Variants in HIVEP1 observed in about 807,000 individuals in gnomAD.
HIVEP1 encodes zinc finger protein 40.
In HIVEP1, 36 loss-of-function variants were observed where a neutral mutation model predicts 180.0. That is an observed-to-expected ratio of 0.20 (90% CI 0.15 to 0.26). The LOEUF (loss-of-function observed/expected upper bound fraction) is 0.26. Ranked by LOEUF, HIVEP1 falls within the 10% of genes least tolerant of loss-of-function variation. The probability of loss-of-function intolerance (pLI) is 1.00; values close to 1 mark genes in which losing one functional copy is unlikely to be tolerated. For synonymous variants in HIVEP1, 1,239 were observed against 1,239.0 expected (o/e 1.00, Z 0.00); for missense variants, 3,143 against 3,268.7 (o/e 0.96, Z 0.94).
intron 7 of HIVEP1, among the ~76,000 whole-genome samples, chr6:12,146,710 T>C (rs972433240): frequency 6.6e-6 from 1 of 152,222 alleles, no homozygotes; most frequent in African/African-American, 2.4e-5. Context: ...CATTCCAGGT[T>C]GATAAAGATC....
At chr6:12,025,953 T>C (rs1273695366) in intron 2 of HIVEP1, among the ~76,000 whole-genome samples, 1 of 151,778 alleles carries the variant, frequency 6.6e-6, no homozygotes, top group Non-Finnish European at 1.5e-5. Context: ...GGCAGGAGAA[T>C]CGCTTGAGCC....
At chr6:12,070,274 T>C (rs1342413154) in intron 2 of HIVEP1, among the ~76,000 whole-genome samples, 1 of 152,268 alleles carries the variant, frequency 6.6e-6, no homozygotes. Context: ...TGTACATAAT[T>C]GCATGTTCTG....
intron 3 of HIVEP1, among the ~76,000 whole-genome samples, chr6:12,091,551 C>T (rs555998707): frequency 6.6e-5 from 10 of 152,034 alleles, no homozygotes; most frequent in Non-Finnish European, 1.5e-4. Flanking sequence ...TTAAAAAAGA[C>T]ATTTCCTCTT....
intron 2 of HIVEP1, among the ~76,000 whole-genome samples, chr6:12,065,474 C>G (rs1353846779): frequency 6.6e-6 from 1 of 152,142 alleles, no homozygotes; most frequent in Non-Finnish European, 1.5e-5. Context: ...AGGCAGGACG[C>G]CCTTTTGATA....
At chr6:12,050,259 G>C (rs1770409751) in intron 2 of HIVEP1, among the ~76,000 whole-genome samples, 2 of 152,176 alleles carry the variant, frequency 1.3e-5, no homozygotes, top group Non-Finnish European at 2.9e-5. Context: ...AATAACGAGA[G>C]TTCATGCCTG....
chr6:12,139,581 G>T (rs1184872405), intron 7 of HIVEP1, among the ~76,000 whole-genome samples: 1 of 152,236 alleles, frequency 6.6e-6, no homozygotes, highest in African/African-American at 2.4e-5. Flanking sequence ...CCCTTTCCTA[G>T]CCAAGGGACG....
chr6:12,067,775 C>T (rs376122247), intron 2 of HIVEP1, among the ~76,000 whole-genome samples: 1 of 151,870 alleles, frequency 6.6e-6, no homozygotes, highest in Non-Finnish European at 1.5e-5. Context: ...AACAACTGCT[C>T]TGGTAGGGAA....
chr6:12,125,553 C>T lies in HIVEP1; in HGVS notation c.5758C>T (p.Leu1920Phe), dbSNP rs779227145. 6.8e-6 allele frequency: 11 copies of T among 1,614,052 alleles called. No homozygotes were observed. In the African/African-American group the frequency reaches 8.0e-5, roughly 12 times the overall value. ...QEQSQQPVTS[L>F]SLFNIKDTQQ... ...GCAAAGTCAACAGCCAGTCACTTCTCTTTCATTGTTTAACATCAAGGACAC... is the reference window on the plus strand; with the variant it reads ...GCAAAGTCAACAGCCAGTCACTTCTTTTTCATTGTTTAACATCAAGGACAC... Residue 1920 changes from leucine (L) to phenylalanine (F), a missense_variant, in exon 4 of 9, where the codon CTT becomes TTT. By Grantham distance (22) the Leu-to-Phe change is conservative. Around this residue, in one of 12 missense-constraint regions of HIVEP1, gnomAD observed 1,357 missense variants for 1,260.5 expected, o/e 1.08. Coordinates refer to ENST00000379388, the MANE Select transcript of HIVEP1 (RefSeq NM_002114.4).
rs1393000019 is a variant in HIVEP1 at position 12,119,984 on chromosome 6, A to G, written c.189A>G (p.Pro63=). The change falls in exon 4 of 9, where the codon CCA becomes CCG. Residue 63 remains proline, a synonymous_variant. Transcript: ENST00000379388. ...CTGAGAATCACCTGAAAAAAATACC[A>G]AAATCCCCACTGAGAAATCCTCTTC... ...IVAENHLKKI[P]KSPLRNPLQA... is the part of the protein sequence containing the mutation. 3.1e-6 allele frequency: 5 copies of G among 1,612,092 alleles called. No homozygotes were observed. Among genetic ancestry groups the G allele is most frequent in the Non-Finnish European group, 4.2e-6 (5 of 1,179,568 alleles).
At chr6:12,173,799 A>G in the HIVEP1 span, among the ~76,000 whole-genome samples, 8 of 152,210 alleles carry the variant, frequency 5.3e-5, no homozygotes, top group Non-Finnish European at 8.8e-5. Context: ...AATGTTGCCA[A>G]ATGAGATCTA....
rs1312246983 is a variant in HIVEP1 at position 12,122,422 on chromosome 6, A to G, written c.2627A>G (p.Asp876Gly). 6.2e-7 allele frequency: 1 copy of G among 1,614,096 alleles called. No individual in the cohort carries two copies. The highest frequency in any genetic ancestry group is 8.5e-7 in the Non-Finnish European group (1 of 1,180,048). Residue 876 changes from aspartate (D) to glycine (G), a missense_variant, in exon 4 of 9, where the codon GAT becomes GGT. Physicochemically the swap from Asp to Gly is moderately conservative, Grantham distance 94. This residue lies in a region of HIVEP1 where 204 missense variants were observed against 243.7 expected (regional missense o/e 0.84). Transcript: ENST00000379388. Reference sequence around the variant, plus strand: ...GATGACAAAATTGGCGCTTTCTATGATGATGTCTTTGTATCGGGACCTAAC... The same window carrying G: ...GATGACAAAATTGGCGCTTTCTATGGTGATGTCTTTGTATCGGGACCTAAC... ...SFDDKIGAFY[D>G]DVFVSGPNAP... is the part of the protein sequence containing the mutation.
chr6:12,159,047 C>T (rs981929494), intron 7 of HIVEP1, among the ~76,000 whole-genome samples: 2 of 152,120 alleles, frequency 1.3e-5, no homozygotes, highest in Non-Finnish European at 2.9e-5. Flanking sequence ...GATACTTGAG[C>T]GGGACTCCCC....
intron 7 of HIVEP1, among the ~76,000 whole-genome samples, chr6:12,136,401 C>T (rs1302875997): frequency 1.3e-5 from 2 of 152,216 alleles, no homozygotes; most frequent in Non-Finnish European, 2.9e-5. Context: ...CAAGATCCAG[C>T]CAAGTCCACT....
chr6:12,151,783 TA>T (rs1759718787), intron 7 of HIVEP1, among the ~76,000 whole-genome samples: 1 of 152,168 alleles, frequency 6.6e-6, no homozygotes, highest in South Asian at 2.1e-4. Flanking sequence ...AGACAGTATA[TA>T]AAGAAATGAG....
chr6:12,175,679 G>A, the HIVEP1 span, among the ~76,000 whole-genome samples: 3 of 152,170 alleles, frequency 2.0e-5, no homozygotes, highest in Non-Finnish European at 4.4e-5. Flanking sequence ...AGACAAGGCA[G>A]AAATAAGTCA....
chr6:12,081,945 T>A (rs757710517), intron 2 of HIVEP1, among the ~76,000 whole-genome samples: 2 of 152,164 alleles, frequency 1.3e-5, no homozygotes, highest in Non-Finnish European at 2.9e-5. Context: ...AATCACTGCA[T>A]TCATAGGAAG....
rs1035539890 is a variant in HIVEP1, at chr6:12,065,698, T to C, written c.41-23486T>C. ...GTGTGTGTGTGTGTGTGTGCGTGTG[T>C]GTGTGTGTGTGTGTGCATTGAATGG... On this transcript the variant is annotated intron_variant, in intron 2 of 8. Coordinates refer to ENST00000379388, the MANE Select transcript of HIVEP1 (RefSeq NM_002114.4). Among the ~76,000 whole-genome samples, 70 of 150,636 alleles carry C rather than the reference T, an allele frequency of 4.6e-4. 1 individual carries two copies. The highest frequency in any genetic ancestry group is 1.9e-3 in the East Asian group (10 of 5,156).
intron 7 of HIVEP1, among the ~76,000 whole-genome samples, chr6:12,139,112 C>T (rs147612085): frequency 1.3e-5 from 2 of 152,076 alleles, no homozygotes; most frequent in African/African-American, 4.8e-5. Flanking sequence ...GGCCTTGTAA[C>T]AATTGTGTCA....
At chr6:12,211,781 G>A in the HIVEP1 span, among the ~76,000 whole-genome samples, 4 of 152,230 alleles carry the variant, frequency 2.6e-5, no homozygotes, top group South Asian at 8.3e-4. Context: ...AGCCTATATT[G>A]CAAAGTAAAA....
Sources: gnomAD v4.1 joint callset for allele counts (sites outside exome capture counted in the v4.1 genomes callset) on GRCh38, gnomAD v4.1.1 for gene constraint, gnomAD v4.1.1 regional missense constraint, MANE v1.5 for transcripts, NCBI Gene and HGNC (gene_info 2026-07-23, HGNC 2026-07-21) for gene names.